The following LEPROTL1 variants were observed in gnomAD, a reference collection of about 807,000 sequenced individuals.
LEPROTL1 encodes leptin receptor overlapping transcript like 1.
A neutral mutation model predicts 15.4 loss-of-function variants in LEPROTL1; 6 were observed. The ratio of observed to expected loss-of-function variants is 0.39; its 90% CI spans 0.21 to 0.77. The LOEUF is 0.77. Among genes scored for constraint, LEPROTL1 ranks in the 30% least tolerant of loss-of-function variants. The pLI is 0.41. For missense variants in LEPROTL1, 128 were observed against 158.1 expected (o/e 0.81, Z 1.02); for synonymous variants, 56 against 52.6 (o/e 1.06, Z -0.28).
chr8:30,098,254 A>G (rs984290633), intron 1 of LEPROTL1, among the ~76,000 whole-genome samples: 2 of 152,200 alleles, frequency 1.3e-5, no homozygotes, highest in Non-Finnish European at 2.9e-5. Context: ...TTTTGATAAG[A>G]GAAAGTTCCT....
Position 30,106,185 on chromosome 8 carries a change from CT to C in LEPROTL1, c.*329del. On this transcript the variant is annotated 3_prime_UTR_variant, in exon 4 of 4. Coordinates refer to ENST00000321250, the MANE Select transcript of LEPROTL1 (RefSeq NM_015344.3). ...TGGAATCAATATGCAATGTTAAACA[CT>C]TTTTTAATGTAATCATTTGCATTGG... 3.0e-6 allele frequency: 3 copies of C among 988,996 alleles called. No homozygotes were observed. The highest frequency in any genetic ancestry group is 3.6e-6 in the Non-Finnish European group (3 of 832,046). 61.3% of individuals were successfully genotyped at this position (988,996 alleles called of 1,614,324 possible). A position where few individuals can be genotyped will look rare whatever the true frequency, so the allele number is the denominator to read the frequency against.
downstream of LEPROTL1, chr8:30,108,613 AATATG>A (rs751510788): frequency 2.6e-5 from 4 of 151,806 alleles, no homozygotes; most frequent in Admixed American, 6.6e-5. Context: ...TGTCTGCTCT[AATATG>A]ATTTTGGGGA....
At chr8:30,097,331 T>A (rs990527204) in intron 1 of LEPROTL1, among the ~76,000 whole-genome samples, 2 of 63,318 alleles carry the variant, frequency 3.2e-5, no homozygotes, top group Admixed American at 2.0e-4. Flanking sequence ...TCGGTATGAC[T>A]GGAAGATGAG....
exon 5 of LEPROTL1, chr8:30,137,292 C>A (rs1197334313): frequency 1.3e-6 from 2 of 1,551,538 alleles, no homozygotes; most frequent in Admixed American, 3.9e-5. Context: ...TACCCTTCTT[C>A]AGCAAGATGG....
intron 1 of LEPROTL1, chr8:30,095,944 A>G: frequency 1.5e-6 from 1 of 687,638 alleles, no homozygotes; most frequent in Non-Finnish European, 2.7e-6. Context: ...CAGCTATGGA[A>G]AACCAGTCAT....
In LEPROTL1 at chr8:30,115,122, C is replaced by T. The variant is rs934591440; in HGVS notation, c.279+10636C>T. ...CTCATGCCAGTATTCCCAGCACTTTCGGAGGCAGAGGCGGGTGGATCCCTG... is the reference window on the plus strand; with the variant it reads ...CTCATGCCAGTATTCCCAGCACTTTTGGAGGCAGAGGCGGGTGGATCCCTG... On this transcript the variant is annotated intron_variant, in intron 3 of 4. Transcript: ENST00000442880. Among the ~76,000 whole-genome samples, 9 of 152,232 alleles carry T rather than the reference C, an allele frequency of 5.9e-5. No homozygotes were observed. The East Asian group carries it at 1.7e-3, about 29-fold the overall frequency.
At chr8:30,100,181 A>G (rs1348007643) in intron 1 of LEPROTL1, among the ~76,000 whole-genome samples, 2 of 151,894 alleles carry the variant, frequency 1.3e-5, no homozygotes, top group Non-Finnish European at 2.9e-5. Flanking sequence ...CCAAGCCACT[A>G]TGTCATGGGG....
exon 4 of LEPROTL1, chr8:30,132,383 T>A: frequency 6.4e-7 from 1 of 1,551,750 alleles, no homozygotes; most frequent in Non-Finnish European, 8.7e-7. Flanking sequence ...AGGGTCCAGA[T>A]GTCTGCATCG....
intron 3 of LEPROTL1, chr8:30,132,048 A>G (rs7844812): frequency 0.86 from 1,336,325 of 1,551,518 alleles, 581,536 homozygotes; most frequent in Middle Eastern, 0.89. Context: ...GAGAGGAGAG[A>G]CTCCTGACCT....
chr8:30,097,633 C>T (rs1354767383), intron 1 of LEPROTL1, among the ~76,000 whole-genome samples: 3 of 146,294 alleles, frequency 2.1e-5, no homozygotes, highest in Non-Finnish European at 4.5e-5. Flanking sequence ...GATTACGCCA[C>T]TGCACTCCAG....
intron 4 of LEPROTL1, among the ~76,000 whole-genome samples, chr8:30,136,774 G>T (rs1341958587): frequency 1.3e-5 from 2 of 150,188 alleles, no homozygotes; most frequent in South Asian, 2.1e-4. Context: ...TGTCACCCAG[G>T]CTGGAGTGCA....
chr8:30,118,021 T>C (rs866137581), intron 3 of LEPROTL1, among the ~76,000 whole-genome samples: 2,531 of 92,960 alleles, frequency 0.027, 117 homozygotes, highest in African/African-American at 0.088. Flanking sequence ...TTTGATTTGT[T>C]TTTTTTTTTT....
chr8:30,112,401 A>ATTT (rs10684450), downstream of LEPROTL1, among the ~76,000 whole-genome samples: 62 of 27,890 alleles, frequency 2.2e-3, 1 homozygote, highest in African/African-American at 4.6e-3. Flanking sequence ...TGCCCAGCTA[A>ATTT]TTTTTTTTTT....
rs914124115 is a variant in LEPROTL1, at chr8:30,106,168, A to G, written c.*306A>G. On this transcript the variant is annotated 3_prime_UTR_variant, in exon 4 of 4. Transcript: ENST00000321250. ...GTTAGGTTGATTTTTTTTGGAATCAATATGCAATGTTAAACACTTTTTTAA... is the reference window on the plus strand; with the variant it reads ...GTTAGGTTGATTTTTTTTGGAATCAGTATGCAATGTTAAACACTTTTTTAA... 54 of 993,846 alleles carry G rather than the reference A, an allele frequency of 5.4e-5. No homozygotes were observed. The highest frequency in any genetic ancestry group is 6.3e-5 in the Non-Finnish European group (53 of 835,256). The allele number at this position is 993,846 out of a possible 1,614,324, so 61.6% of individuals were successfully genotyped here. A position where few individuals can be genotyped will look rare whatever the true frequency, so the allele number is the denominator to read the frequency against.
chr8:30,137,981 C>A, downstream of LEPROTL1: 1 of 185,358 alleles, frequency 5.4e-6, no homozygotes. Flanking sequence ...GCTGGTACTA[C>A]CCAGACCGAT....
intron 3 of LEPROTL1, chr8:30,117,632 G>T: frequency 1.4e-6 from 2 of 1,468,818 alleles, no homozygotes; most frequent in East Asian, 2.3e-5. Context: ...TTTCAAATTC[G>T]CCAATGTAAC....
downstream of LEPROTL1, chr8:30,138,279 G>A (rs1298668848): frequency 8.3e-6 from 3 of 361,790 alleles, no homozygotes; most frequent in East Asian, 1.3e-4. Flanking sequence ...GTTTGTCTAG[G>A]CAGTGGAGAA....
intron 1 of LEPROTL1, among the ~76,000 whole-genome samples, chr8:30,099,817 T>C (rs202175711): frequency 7.2e-6 from 1 of 138,404 alleles, no homozygotes; most frequent in Non-Finnish European, 1.6e-5. Flanking sequence ...GGACAAAGTG[T>C]GCACAGGCCA....
chr8:30,117,843 A>T, intron 3 of LEPROTL1: 1 of 616,388 alleles, frequency 1.6e-6, no homozygotes, highest in Non-Finnish European at 2.9e-6. Flanking sequence ...AAATTTTTAA[A>T]ATCTGAAAGT....
Sources: gnomAD v4.1 joint callset for allele counts (sites outside exome capture counted in the v4.1 genomes callset) on GRCh38, gnomAD v4.1.1 for gene constraint, MANE v1.5 for transcripts, NCBI Gene and HGNC (gene_info 2026-07-23, HGNC 2026-07-21) for gene names.